GABRB2: variants seen among roughly 807,000 people sequenced by gnomAD.
The protein encoded by GABRB2 is gamma-aminobutyric acid receptor subunit beta-2.
A neutral mutation model predicts 54.7 loss-of-function variants in GABRB2; 16 were observed. That is an observed-to-expected ratio of 0.29 (90% CI 0.20 to 0.44). The LOEUF is 0.44. GABRB2 is among the 20% of genes least tolerant of loss of function. GABRB2 has a pLI of 1.00. For missense variants in GABRB2, 355 were observed against 644.0 expected, an observed-to-expected ratio of 0.55 and a Z score of 4.86; for synonymous variants, 244 against 233.8, an observed-to-expected ratio of 1.04 and a Z score of -0.40.
At chr5:161,455,753 G>C (rs58506917) in intron 4 of GABRB2, among the ~76,000 whole-genome samples, 26,061 of 151,678 alleles carry the variant, frequency 0.17, 3,131 homozygotes, top group African/African-American at 0.34. Context: ...GGCTGGTCCT[G>C]AACTCCTGAG....
chr5:161,331,936 C>T (rs35858335), intron 7 of GABRB2, among the ~76,000 whole-genome samples: 2,302 of 151,818 alleles, frequency 0.015, 23 homozygotes, highest in Middle Eastern at 0.082. Context: ...GAGGCCGAGG[C>T]GGGTGGATCA....
rs896637046 is a variant in GABRB2, at chr5:161,440,375, C to T, written c.458+19249G>A. Among the ~76,000 whole-genome samples the T allele has an allele frequency of 2.6e-5, 4 of 151,938 alleles. No individual in the cohort carries two copies. In the East Asian group the frequency reaches 5.8e-4, roughly 22 times the overall value. On this transcript the variant is annotated intron_variant, in intron 4 of 9. Coordinates refer to ENST00000393959, the MANE Select transcript of GABRB2 (RefSeq NM_001371727.1). ...CTTCAACTATAAAGACACATATAGA[C>T]TGAAAATAAATAAATGAAAGAAGGT...
intron 5 of GABRB2, among the ~76,000 whole-genome samples, chr5:161,377,979 T>G (rs1330695828): frequency 6.6e-6 from 1 of 152,120 alleles, no homozygotes; most frequent in Non-Finnish European, 1.5e-5. Flanking sequence ...CTAAATGTAT[T>G]ATTAAAATTG....
At chr5:161,348,633 T>A (rs1414436481) in intron 5 of GABRB2, among the ~76,000 whole-genome samples, 3 of 152,080 alleles carry the variant, frequency 2.0e-5, no homozygotes, top group African/African-American at 7.2e-5. Flanking sequence ...CCAAAGGATC[T>A]ATAATCTAAA....
intron 5 of GABRB2, among the ~76,000 whole-genome samples, chr5:161,396,395 T>A (rs536375515): frequency 2.0e-5 from 3 of 152,206 alleles, no homozygotes; most frequent in Non-Finnish European, 4.4e-5. Context: ...GTCTTTTTCT[T>A]TCTGGAAAAA....
At chr5:161,452,665 C>A (rs1348308162) in intron 4 of GABRB2, among the ~76,000 whole-genome samples, 2 of 152,118 alleles carry the variant, frequency 1.3e-5, no homozygotes, top group South Asian at 2.1e-4. Context: ...AGTATACAAA[C>A]CTGCACTTAT....
chr5:161,415,016 T>C (rs1329099278), intron 4 of GABRB2, among the ~76,000 whole-genome samples: 4 of 152,184 alleles, frequency 2.6e-5, no homozygotes, highest in African/African-American at 4.8e-5. Context: ...AAGAAGTCAA[T>C]ACAATAAACA....
At chr5:161,325,433 A>G (rs753453141) in intron 9 of GABRB2, among the ~76,000 whole-genome samples, 21 of 152,108 alleles carry the variant, frequency 1.4e-4, no homozygotes, top group Non-Finnish European at 2.6e-4. Context: ...AGCACAAAGG[A>G]GCAATTCAGT....
At position 161,290,699 on chromosome 5, in the gene GABRB2, C is replaced by T. The variant is rs1411774161; in HGVS notation, c.*3382G>A. 1 of 152,450 alleles carries T rather than the reference C, an allele frequency of 6.6e-6. No individual in the cohort carries two copies. The highest frequency in any genetic ancestry group is 1.5e-5 in the Non-Finnish European group (1 of 67,970). The allele number at this position is 152,450 out of a possible 1,614,324, so 9.4% of individuals were successfully genotyped here. On this transcript the variant is annotated 3_prime_UTR_variant, in exon 10 of 10. Coordinates refer to ENST00000393959, the MANE Select transcript of GABRB2 (RefSeq NM_001371727.1). ...TGTAAGACCTATTTTGATGATGTTG[C>T]TTTGCCATTTTTCTTGTTGAGTATG... is the stretch of plus-strand genomic sequence containing the variant.
chr5:161,338,270 G>A (rs1363215291), intron 5 of GABRB2, among the ~76,000 whole-genome samples: 1 of 152,060 alleles, frequency 6.6e-6, no homozygotes, highest in Admixed American at 6.6e-5. Context: ...CAGTTTTTTG[G>A]AAGAGTTATA....
At chr5:161,506,916 C>A (rs6880996) in intron 3 of GABRB2, among the ~76,000 whole-genome samples, 60,044 of 151,932 alleles carry the variant, frequency 0.4, 13,209 homozygotes, top group African/African-American at 0.59. Flanking sequence ...CCTCAAATCC[C>A]TACATAGAAA....
At position 161,514,174 on chromosome 5, in the gene GABRB2, T is replaced by C. The variant is rs185094941; in HGVS notation, c.237+31053A>G. Among the ~76,000 whole-genome samples the C allele has an allele frequency of 8.8e-4, 134 of 152,236 alleles. 3 individuals are homozygous for C. The highest frequency in any genetic ancestry group is 3.1e-3 in the African/African-American group (128 of 41,560). On this transcript the variant is annotated intron_variant, in intron 3 of 9. Coordinates refer to ENST00000393959, the MANE Select transcript of GABRB2 (RefSeq NM_001371727.1). Reference sequence around the variant, plus strand: ...ACACTTTTGCTTAAATGGTTACAAATGTGTTTGCTGATTATATGACCAGAG... The same window carrying C: ...ACACTTTTGCTTAAATGGTTACAAACGTGTTTGCTGATTATATGACCAGAG...
intron 9 of GABRB2, among the ~76,000 whole-genome samples, chr5:161,325,249 A>G (rs1241765099): frequency 2.6e-5 from 4 of 152,138 alleles, no homozygotes; most frequent in African/African-American, 9.7e-5. Flanking sequence ...CAACAACATC[A>G]ATGAGATAGT....
At position 161,331,158 on chromosome 5, in the gene GABRB2, A is replaced by G. The variant is rs748974087; in HGVS notation, c.833-31T>C. ...AAAAAATGGGAGAGTTAGAGTAATAATGTTCCTATCTCTTTTCTTCTTTCT... is the reference window on the plus strand; with the variant it reads ...AAAAAATGGGAGAGTTAGAGTAATAGTGTTCCTATCTCTTTTCTTCTTTCT... On this transcript the variant is annotated intron_variant, in intron 7 of 9. Transcript: ENST00000393959. 1.3e-5 allele frequency: 19 copies of G among 1,517,500 alleles called. No individual in the cohort carries two copies. In the South Asian group the frequency reaches 2.3e-4, roughly 18 times the overall value. 94.0% of individuals were successfully genotyped at this position (1,517,500 alleles called of 1,614,324 possible).
chr5:161,325,621 C>A (rs1321944744), intron 9 of GABRB2, among the ~76,000 whole-genome samples: 1 of 152,094 alleles, frequency 6.6e-6, no homozygotes, highest in Admixed American at 6.5e-5. Flanking sequence ...ATTTGCTAAA[C>A]ACTGGAGTTG....
intron 5 of GABRB2, among the ~76,000 whole-genome samples, chr5:161,342,788 T>C (rs1714376344): frequency 6.6e-6 from 1 of 152,038 alleles, no homozygotes; most frequent in Non-Finnish European, 1.5e-5. Flanking sequence ...GGGTTAACCA[T>C]TTTTCCCTCC....
intron 4 of GABRB2, among the ~76,000 whole-genome samples, chr5:161,435,071 T>A (rs1757271290): frequency 1.3e-5 from 2 of 152,190 alleles, no homozygotes; most frequent in African/African-American, 4.8e-5. Flanking sequence ...CCCAGGAATA[T>A]GGGTCTAGTT....
At chr5:161,434,765 G>T (rs1757263797) in intron 4 of GABRB2, among the ~76,000 whole-genome samples, 1 of 152,120 alleles carries the variant, frequency 6.6e-6, no homozygotes, top group East Asian at 1.9e-4. Context: ...TGGGACCTAG[G>T]TGCCCTAGGT....
chr5:161,463,983 A>G (rs1420789706), intron 3 of GABRB2, among the ~76,000 whole-genome samples: 1 of 152,048 alleles, frequency 6.6e-6, no homozygotes, highest in African/African-American at 2.4e-5. Flanking sequence ...TGTAAAATGT[A>G]ATACTATAAA....
Sources: allele counts gnomAD v4.1 joint callset (sites outside exome capture counted in the v4.1 genomes callset), GRCh38; gene constraint gnomAD v4.1.1; transcripts MANE v1.5; gene names NCBI Gene and HGNC (gene_info 2026-07-23, HGNC 2026-07-21).